Variants in B3GLCT observed in about 807,000 individuals in gnomAD.
B3GLCT encodes the protein beta-1,3-glucosyltransferase.
In B3GLCT, 65 loss-of-function variants were observed where a neutral mutation model predicts 63.4. That is an observed-to-expected ratio of 1.03 (90% confidence interval 0.84 to 1.26). B3GLCT has a LOEUF of 1.26. B3GLCT is among the 50% of genes most tolerant of loss of function. B3GLCT has a pLI of 0.00. For synonymous variants in B3GLCT, 233 were observed against 219.2 expected (o/e 1.06, Z -0.55); for missense variants, 577 against 604.8 (o/e 0.95, Z 0.48).
At chr13:31,226,092 G>A (rs1258129969) in intron 3 of B3GLCT, among the ~76,000 whole-genome samples, 2 of 152,200 alleles carry the variant, frequency 1.3e-5, no homozygotes, top group Non-Finnish European at 2.9e-5. Context: ...TGTGTCTGCT[G>A]CTTTTTAAAG....
At chr13:31,316,658 T>A (rs1319286784) in intron 12 of B3GLCT, among the ~76,000 whole-genome samples, 1 of 151,740 alleles carries the variant, frequency 6.6e-6, no homozygotes, top group Non-Finnish European at 1.5e-5. Flanking sequence ...CTAACTTGCT[T>A]TTGATTTTGC....
chr13:31,200,562 G>C (rs1375695659), intron 1 of B3GLCT, among the ~76,000 whole-genome samples: 2 of 150,612 alleles, frequency 1.3e-5, no homozygotes, highest in African/African-American at 4.9e-5. Flanking sequence ...CGGCGGTCCC[G>C]CCCCCCTGCC....
intron 4 of B3GLCT, among the ~76,000 whole-genome samples, chr13:31,235,339 G>C (rs1870593075): frequency 6.6e-6 from 1 of 152,112 alleles, no homozygotes; most frequent in Non-Finnish European, 1.5e-5. Flanking sequence ...GTAGATTTGA[G>C]AGTCAGCAGC....
At chr13:31,272,033 T>A (rs866484904) in intron 8 of B3GLCT, among the ~76,000 whole-genome samples, 18 of 152,162 alleles carry the variant, frequency 1.2e-4, no homozygotes, top group African/African-American at 2.9e-4. Context: ...TTCAATCCTT[T>A]TGTGTCCTTA....
chr13:31,255,030 G>A (rs1323244150), intron 6 of B3GLCT, among the ~76,000 whole-genome samples: 2 of 98,662 alleles, frequency 2.0e-5, no homozygotes, highest in Non-Finnish European at 4.0e-5. Flanking sequence ...GTGCAAAGAC[G>A]CTGTCTCAAA....
At chr13:31,329,354 A>C in intron 14 of B3GLCT, 147 bp from the exon 15 acceptor site, 1 of 868,166 alleles carries the variant, frequency 1.2e-6, no homozygotes, top group Non-Finnish European at 1.9e-6. Flanking sequence ...GAAAGATATC[A>C]GAAAATAGTT....
At chr13:31,270,540 C>T (rs559696216) in intron 8 of B3GLCT, among the ~76,000 whole-genome samples, 16 of 152,212 alleles carry the variant, frequency 1.1e-4, no homozygotes, top group African/African-American at 3.6e-4. Context: ...ATATTTCTAA[C>T]ATATATGAAA....
chr13:31,280,144 G>A (rs768781210), intron 10 of B3GLCT, among the ~76,000 whole-genome samples: 21 of 152,086 alleles, frequency 1.4e-4, no homozygotes, highest in Non-Finnish European at 2.2e-4. Context: ...TGAAGATGAC[G>A]GGATTAAGAG....
chr13:31,240,554 T>G (rs1870886889), intron 4 of B3GLCT, among the ~76,000 whole-genome samples: 1 of 151,674 alleles, frequency 6.6e-6, no homozygotes, highest in Non-Finnish European at 1.5e-5. Context: ...TTTCATAGAT[T>G]AGTGTAAAGA....
chr13:31,213,621 ACC>A (rs71099943), intron 1 of B3GLCT, among the ~76,000 whole-genome samples: 10,958 of 55,096 alleles, frequency 0.2, 553 homozygotes, highest in South Asian at 0.25. Context: ...CCCCCACCCC[ACC>A]CCCCCCCCCC....
At chr13:31,316,894 C>T (rs1875065260) in intron 12 of B3GLCT, among the ~76,000 whole-genome samples, 1 of 152,122 alleles carries the variant, frequency 6.6e-6, no homozygotes, top group Non-Finnish European at 1.5e-5. Flanking sequence ...AATACACTGC[C>T]CTTTGTAAGC....
At chr13:31,200,263 C>A in intron 1 of B3GLCT, 109 bp downstream of exon 1, 1 of 547,936 alleles carries the variant, frequency 1.8e-6, no homozygotes, top group African/African-American at 2.1e-5. Flanking sequence ...CCCAGCCCTG[C>A]CCCGCCGGCG....
At chr13:31,260,872 A>G (rs1270968831) in intron 6 of B3GLCT, 74 bp from the exon 7 acceptor site, 8 of 1,398,822 alleles carry the variant, frequency 5.7e-6, no homozygotes, top group Non-Finnish European at 8.1e-6. Flanking sequence ...ATCTGAAACC[A>G]ATAGTACCAC....
chr13:31,237,457 G>A (rs1014192686), intron 4 of B3GLCT, among the ~76,000 whole-genome samples: 4 of 150,678 alleles, frequency 2.7e-5, no homozygotes, highest in African/African-American at 9.8e-5. Flanking sequence ...GGGTTCAAGC[G>A]ATTCTCCTGC....
chr13:31,275,956 A>G (rs1872764053), intron 9 of B3GLCT, among the ~76,000 whole-genome samples: 1 of 152,142 alleles, frequency 6.6e-6, no homozygotes. Context: ...CTGTAGTTAG[A>G]TGTCACTATA....
chr13:31,235,613 C>T (rs1259922137), intron 4 of B3GLCT, among the ~76,000 whole-genome samples: 1 of 152,156 alleles, frequency 6.6e-6, no homozygotes, highest in East Asian at 1.9e-4. Context: ...GTGGCCTGCG[C>T]ACTGACCTCA....
At chr13:31,300,866 CT>C (rs748278603) in intron 12 of B3GLCT, among the ~76,000 whole-genome samples, 25 of 152,340 alleles carry the variant, frequency 1.6e-4, no homozygotes, top group Non-Finnish European at 2.2e-4. Flanking sequence ...GGCCCCTCCC[CT>C]GATCCTAATC....
intron 4 of B3GLCT, among the ~76,000 whole-genome samples, chr13:31,229,846 AAT>A: frequency 6.7e-6 from 1 of 150,128 alleles, no homozygotes; most frequent in East Asian, 1.9e-4. Context: ...TATATATAAA[AAT>A]ATATATAAAT....
intron 4 of B3GLCT, among the ~76,000 whole-genome samples, chr13:31,232,549 C>A (rs908933737): frequency 3.3e-5 from 5 of 152,180 alleles, no homozygotes; most frequent in Non-Finnish European, 7.3e-5. Context: ...AGTCACCTCC[C>A]TCCAGGCCCT....
Sources: allele counts gnomAD v4.1 joint callset (sites outside exome capture counted in the v4.1 genomes callset), GRCh38; gene constraint gnomAD v4.1.1; transcripts MANE v1.5; gene names NCBI Gene and HGNC (gene_info 2026-07-23, HGNC 2026-07-21).